CROCC: variants seen among roughly 807,000 people sequenced by gnomAD.
The protein encoded by CROCC is ciliary rootlet coiled-coil, rootletin.
Under a neutral mutation model 245.2 loss-of-function variants are expected in CROCC, and 180 were observed. The observed-to-expected ratio is 0.73, with a 90% CI of 0.65 to 0.83. The LOEUF (loss-of-function observed/expected upper bound fraction) is 0.83, where lower values mean the gene tolerates loss of function less well. Among genes scored for constraint, CROCC ranks in the 40% least tolerant of loss-of-function variants. The pLI is 0.00. For synonymous variants in CROCC, 1,205 were observed against 1,241.6 expected (o/e 0.97, Z 0.62); for missense variants, 2,688 against 2,779.4 (o/e 0.97, Z 0.74).
Position 16,945,665 on chromosome 1 carries a change from T to G in CROCC, c.2136+59T>G. 3.2e-6 allele frequency: 5 copies of G among 1,553,094 alleles called. No individual in the cohort carries two copies. The South Asian group carries it at 3.6e-5, about 11-fold the overall frequency. ...ACCTCTGACCCCCAGCCCCAAGCCT[T>G]GTCACTCTGGCACAGACTGGTCCCA... On this transcript the variant is annotated intron_variant, in intron 15 of 36. Coordinates refer to ENST00000375541, the MANE Select transcript of CROCC (RefSeq NM_014675.5).
At chr1:16,968,613 TAG>T (rs1376235641) in intron 31 of CROCC, among the ~76,000 whole-genome samples, 195 bp downstream of exon 31, 1 of 152,190 alleles carries the variant, frequency 6.6e-6, no homozygotes, top group East Asian at 1.9e-4. Flanking sequence ...GAGCCAAAAT[TAG>T]AATTCAGGAC....
chr1:16,924,438 C>T lies in CROCC; in HGVS notation c.310C>T (p.Arg104Cys), dbSNP rs200540396. The T allele has an allele frequency of 1.1e-5, 17 of 1,613,384 alleles. No individual in the cohort carries two copies. Among genetic ancestry groups the T allele is most frequent in the Admixed American group, 6.7e-5 (4 of 60,000 alleles). The change falls in exon 3 of 37, where the codon CGC (arginine) becomes TGC (cysteine). Residue 104 changes from arginine to cysteine, a missense_variant. Transcript: ENST00000375541. ...CCTGCTGGCCCAGAGCCGTGCCGAG[C>T]GCGATGAGCTCGCCATTAAGTACAA... ...EDLLAQSRAE[R>C]DELAIKYNAV...
rs1338372793 is a variant in CROCC at position 16,951,164 on chromosome 1, T to C, written c.3006+42T>C. On this transcript the variant is annotated intron_variant, in intron 20 of 36. Transcript: ENST00000375541. Reference sequence around the variant, plus strand: ...AGGGGTGGGCAGGACTCTGAGCCAGTGTTTCATCATCGTTCTTGCTCTGCC... The same window carrying C: ...AGGGGTGGGCAGGACTCTGAGCCAGCGTTTCATCATCGTTCTTGCTCTGCC... The C allele has an allele frequency of 2.1e-6, 3 of 1,414,874 alleles. No homozygotes were observed. In the Admixed American group the frequency reaches 9.2e-5, roughly 44 times the overall value. 87.6% of individuals were successfully genotyped at this position (1,414,874 alleles called of 1,614,324 possible).
In CROCC at chr1:16,931,335, C is replaced by T. The variant is rs974448213; in HGVS notation, c.894C>T (p.Leu298=). 1 of 1,612,740 alleles carries T rather than the reference C, an allele frequency of 6.2e-7. No individual in the cohort carries two copies. Among genetic ancestry groups the T allele is most frequent in the African/African-American group, 1.3e-5 (1 of 74,950 alleles). ...YFSNEHSRLL[L]LWRQVVGFRR... The stretch of plus-strand genomic sequence containing the variant: ...GCAACGAGCACAGTCGCCTGCTCCT[C>T]CTCTGGAGGCAGGTGGTGGGGTTCC... The change falls in exon 8 of 37, where the codon CTC becomes CTT. Residue 298 remains leucine, a synonymous_variant. Coordinates refer to ENST00000375541, the MANE Select transcript of CROCC (RefSeq NM_014675.5).
At chr1:16,914,429 C>T (rs2075282598) in intron 1 of CROCC, among the ~76,000 whole-genome samples, 1 of 152,262 alleles carries the variant, frequency 6.6e-6, no homozygotes, top group Non-Finnish European at 1.5e-5. Flanking sequence ...GGTCCCCTCG[C>T]TCCGCGGGCG....
At chr1:16,962,017 G>A (rs1011247446) in intron 27 of CROCC, among the ~76,000 whole-genome samples, 1 of 152,002 alleles carries the variant, frequency 6.6e-6, no homozygotes, top group Admixed American at 6.6e-5. Context: ...ACCAAATACA[G>A]CTAAGTGGAA....
Position 16,930,083 on chromosome 1 carries a change from G to A in CROCC, c.538-41G>A, listed in dbSNP as rs192079216. On this transcript the variant is annotated intron_variant, in intron 4 of 36. Transcript: ENST00000375541. The stretch of plus-strand genomic sequence containing the variant: ...TCCTCCCACCTGTTCACTTTGCCCC[G>A]CCCCAACCCCTGGGGCTCACCATCA... The A allele has an allele frequency of 1.3e-3, 2,112 of 1,572,704 alleles. No homozygotes were observed. In the African/African-American group the frequency reaches 0.022, roughly 16 times the overall value.
At position 16,937,675 on chromosome 1, in the gene CROCC, G is replaced by C. The variant is rs141704732; in HGVS notation, c.1228G>C (p.Glu410Gln). 182 of 1,611,438 alleles carry C rather than the reference G, an allele frequency of 1.1e-4. No individual in the cohort carries two copies. In the African/African-American group the frequency reaches 1.2e-3, roughly 10 times the overall value. ...TELGLAVKRL[E>Q]KQNLEKDQVN... ...GCTGGGCCTGGCAGTGAAGCGTCTT[G>C]AGAAGCAGAATCTGGAGAAGGATCA... The change falls in exon 10 of 37, where the codon GAG becomes CAG. Residue 410 changes from glutamate to glutamine, a missense_variant. Transcript: ENST00000375541.
chr1:16,916,091 G>A (rs1202701186), intron 1 of CROCC, among the ~76,000 whole-genome samples: 1 of 152,236 alleles, frequency 6.6e-6, no homozygotes, highest in Non-Finnish European at 1.5e-5. Flanking sequence ...TAGGAGAATT[G>A]CTTGAACCCA....
At position 16,930,180 on chromosome 1, in the gene CROCC, C is replaced by T. The variant is rs1477608647; in HGVS notation, c.594C>T (p.Ser198=). 2.3e-5 allele frequency: 36 copies of T among 1,592,830 alleles called. No homozygotes were observed. The highest frequency in any genetic ancestry group is 1.9e-4 in the Middle Eastern group (1 of 5,204). ...SELEQQLLER[S]GELEQQRLRD... ...TGGAGCAGCAGCTGCTGGAGAGATC[C>T]GGAGAGCTGGAGCAGCAGCGGCTGA... The change falls in exon 5 of 37, where the codon TCC becomes TCT. Residue 198 remains serine, a synonymous_variant. Coordinates refer to ENST00000375541, the MANE Select transcript of CROCC (RefSeq NM_014675.5).
At chr1:16,934,829 GCTT>G (rs1289516643) in intron 8 of CROCC, among the ~76,000 whole-genome samples, 817 of 145,348 alleles carry the variant, frequency 5.6e-3, no homozygotes, top group Non-Finnish European at 7.5e-3. Flanking sequence ...TTTCTTTTTT[GCTT>G]CTTCTTCTTC....
At position 16,970,417 on chromosome 1, in the gene CROCC, G is replaced by A; in HGVS notation, c.5616G>A (p.Glu1872=). The A allele has an allele frequency of 6.2e-7, 1 of 1,604,070 alleles. No homozygotes were observed. Among genetic ancestry groups the A allele is most frequent in the Non-Finnish European group, 8.5e-7 (1 of 1,175,454 alleles). ...REVERSALRL[E]KDRVALRRTL... ...TGGAGCGCTCAGCCCTGCGGCTGGA[G>A]AAGGACCGTGTAGCCCTCAGGAGGA... The change falls in exon 34 of 37, where the codon GAG becomes GAA. Residue 1872 remains glutamate (E), a synonymous_variant. Transcript: ENST00000375541.
At position 16,955,459 on chromosome 1, in the gene CROCC, C is replaced by A; in HGVS notation, c.3613C>A (p.Leu1205Met). 1 of 1,592,262 alleles carries A rather than the reference C, an allele frequency of 6.3e-7. No homozygotes were observed. The highest frequency in any genetic ancestry group is 8.5e-7 in the Non-Finnish European group (1 of 1,172,536). The change falls in exon 24 of 37, where the codon CTG becomes ATG. Residue 1205 changes from leucine to methionine, a missense_variant. Transcript: ENST00000375541. ...RQEAGELRRS[L>M]GEGAKEREAL... ...GGAGGCAGGCGAGCTGCGACGCAGCCTGGGCGAGGGTGCCAAGGAGCGCGA... is the reference window on the plus strand; with the variant it reads ...GGAGGCAGGCGAGCTGCGACGCAGCATGGGCGAGGGTGCCAAGGAGCGCGA...
At chr1:16,926,539 CT>C (rs1323726429) in intron 3 of CROCC, among the ~76,000 whole-genome samples, 15 of 152,382 alleles carry the variant, frequency 9.8e-5, no homozygotes, top group African/African-American at 3.6e-4. Flanking sequence ...TGCAGCACCC[CT>C]GGCATGGGGA....
chr1:16,922,302 G>A (rs11203422), intron 1 of CROCC, among the ~76,000 whole-genome samples: 24,935 of 147,886 alleles, frequency 0.17, no homozygotes, highest in East Asian at 0.4. Flanking sequence ...TGGGTTGGGA[G>A]AAGGGGGTCT....
chr1:16,924,547 C>T, intron 3 of CROCC, 68 bp downstream of exon 3: 1 of 1,569,002 alleles, frequency 6.4e-7, no homozygotes, highest in Non-Finnish European at 8.7e-7. Flanking sequence ...GGCATCTAGA[C>T]CAGGCCCACA....
chr1:16,951,362 TG>T, intron 20 of CROCC: 1 of 366,218 alleles, frequency 2.7e-6, no homozygotes, highest in Non-Finnish European at 5.0e-6. Context: ...CAACCACATT[TG>T]GGAAATACTG....
At position 16,939,214 on chromosome 1, in the gene CROCC, G is replaced by GCGGGGGCGGGGGCAGGTC. The variant is rs1370599702; in HGVS notation, c.1608+78_1608+95dup. The GCGGGGGCGGGGGCAGGTC allele has an allele frequency of 2.4e-6, 3 of 1,265,778 alleles. No homozygotes were observed. In the African/African-American group the frequency reaches 4.7e-5, roughly 20 times the overall value. 78.4% of individuals were successfully genotyped at this position (1,265,778 alleles called of 1,614,324 possible). ...AGGGGCTCGCGCCCTCCGGGTGGGG[G>GCGGGGGCGGGGGCAGGTC]CGGGGGCGGGGGCAGGTCCGGGGCC... On this transcript the variant is annotated intron_variant, in intron 12 of 36. Transcript: ENST00000375541.
intron 31 of CROCC, 142 bp downstream of exon 31, chr1:16,968,560 G>A (rs969265871): frequency 2.2e-6 from 2 of 913,904 alleles, no homozygotes; most frequent in Non-Finnish European, 1.6e-6. Flanking sequence ...TGGAGGCTGA[G>A]AGGTGATGTC....
Sources: allele counts gnomAD v4.1 joint callset (sites outside exome capture counted in the v4.1 genomes callset), GRCh38; gene constraint gnomAD v4.1.1; transcripts MANE v1.5; gene names NCBI Gene and HGNC (gene_info 2026-07-23, HGNC 2026-07-21).